Variants in FGFR1OP2 observed in about 807,000 individuals in gnomAD.
FGFR1OP2 encodes fibroblast growth factor receptor 1 oncogene partner 2.
Under a neutral mutation model 35.2 loss-of-function variants are expected in FGFR1OP2, and 17 were observed. That is an observed-to-expected ratio of 0.48 (90% CI 0.33 to 0.73). FGFR1OP2 has a LOEUF of 0.73. Ranked by LOEUF, FGFR1OP2 falls within the 30% of genes least tolerant of loss-of-function variation. FGFR1OP2 has a pLI of 0.02. For synonymous variants in FGFR1OP2, 105 were observed against 104.6 expected (o/e 1.00, Z -0.03); for missense variants, 251 against 307.3 (o/e 0.82, Z 1.37).
At chr12:26,963,759 GATC>G (rs1939136279) in intron 6 of FGFR1OP2, among the ~76,000 whole-genome samples, 1 of 152,092 alleles carries the variant, frequency 6.6e-6, no homozygotes, top group African/African-American at 2.4e-5. Context: ...TTCTATTAGA[GATC>G]ATAGTGATAC....
rs747086211 is a variant in FGFR1OP2, at chr12:26,964,724, G to T, written c.753G>T (p.Arg251Ser). 3.1e-6 allele frequency: 5 copies of T among 1,610,020 alleles called. No homozygotes were observed. The African/African-American group carries it at 6.7e-5, about 22-fold the overall frequency. The change falls in exon 7 of 7, where the codon AGG becomes AGT. Residue 251 changes from arginine (R) to serine (S), a missense_variant. Transcript: ENST00000229395. ...TGACCAACAGTGATTTGAGTCTGAG[G>T]AAGAGCTGAAGAGTTTCTGAGTCTG... ...ALVTNSDLSLRKS is the reference protein window; with the variant it reads ...ALVTNSDLSLSKS
chr12:26,956,493 TA>T, intron 2 of FGFR1OP2, 49 bp from the exon 3 acceptor site: 1 of 414,408 alleles, frequency 2.4e-6, no homozygotes. Context: ...TATATATATA[TA>T]TATATATTTG....
At chr12:26,941,555 T>G (rs922919175) in intron 1 of FGFR1OP2, among the ~76,000 whole-genome samples, 1 of 152,354 alleles carries the variant, frequency 6.6e-6, no homozygotes, top group African/African-American at 2.4e-5. Flanking sequence ...AAATTTTAAA[T>G]GTAGTTGATT....
intron 6 of FGFR1OP2, 46 bp from the exon 7 acceptor site, chr12:26,964,550 T>C (rs769089662): frequency 6.3e-7 from 1 of 1,586,228 alleles, no homozygotes; most frequent in Non-Finnish European, 8.6e-7. Context: ...ATGTTGTAGC[T>C]ACCTTGTAGA....
At chr12:26,955,148 A>G (rs1938999206) in intron 2 of FGFR1OP2, among the ~76,000 whole-genome samples, 1 of 152,176 alleles carries the variant, frequency 6.6e-6, no homozygotes, top group Non-Finnish European at 1.5e-5. Context: ...GTGAACATAT[A>G]TCTGGTATTG....
chr12:26,948,586 T>G (rs1232573891), intron 1 of FGFR1OP2, among the ~76,000 whole-genome samples: 2 of 152,244 alleles, frequency 1.3e-5, no homozygotes, highest in African/African-American at 4.8e-5. Context: ...GTCTTTAGTT[T>G]TTGGAAATGT....
intron 1 of FGFR1OP2, among the ~76,000 whole-genome samples, chr12:26,951,019 A>G (rs897166280): frequency 1.3e-5 from 2 of 152,226 alleles, no homozygotes. Context: ...ATAGGGATTT[A>G]CTATGCATGG....
At chr12:26,942,503 A>G (rs1263735673) in intron 1 of FGFR1OP2, among the ~76,000 whole-genome samples, 1 of 152,240 alleles carries the variant, frequency 6.6e-6, no homozygotes, top group Non-Finnish European at 1.5e-5. Context: ...AGGGTACTCT[A>G]GAGATCCATT....
At chr12:26,948,393 A>G (rs1392899227) in intron 1 of FGFR1OP2, among the ~76,000 whole-genome samples, 1 of 152,202 alleles carries the variant, frequency 6.6e-6, no homozygotes, top group African/African-American at 2.4e-5. Flanking sequence ...TCACCTTCAT[A>G]TATGAAACAT....
intron 1 of FGFR1OP2, among the ~76,000 whole-genome samples, chr12:26,942,550 A>G (rs1938753369): frequency 6.6e-6 from 1 of 152,248 alleles, no homozygotes; most frequent in Non-Finnish European, 1.5e-5. Flanking sequence ...CAAATAGGTG[A>G]AGCAATTTTA....
intron 2 of FGFR1OP2, 90 bp downstream of exon 2, chr12:26,954,383 A>G (rs968277290): frequency 3.3e-5 from 47 of 1,428,084 alleles, no homozygotes; most frequent in Middle Eastern, 1.8e-4. Context: ...AATTTTTTTC[A>G]ACATTCTCTA....
intron 1 of FGFR1OP2, among the ~76,000 whole-genome samples, chr12:26,949,487 T>TA (rs1171271662): frequency 6.6e-6 from 1 of 152,198 alleles, no homozygotes; most frequent in African/African-American, 2.4e-5. Flanking sequence ...ACCAGTATCC[T>TA]ATGCTATCCA....
At chr12:26,963,845 A>G (rs998247396) in intron 6 of FGFR1OP2, among the ~76,000 whole-genome samples, 1 of 152,126 alleles carries the variant, frequency 6.6e-6, no homozygotes. Context: ...AACCTTTGTC[A>G]TCTGTCCTTT....
chr12:26,964,737 G>A lies in FGFR1OP2; in HGVS notation c.*4G>A. On this transcript the variant is annotated 3_prime_UTR_variant, in exon 7 of 7. Coordinates refer to ENST00000229395, the MANE Select transcript of FGFR1OP2 (RefSeq NM_015633.3). ...TTTGAGTCTGAGGAAGAGCTGAAGA[G>A]TTTCTGAGTCTGTGAGCTTCTTACA... 1 of 1,608,174 alleles carries A rather than the reference G, an allele frequency of 6.2e-7. No homozygotes were observed. The highest frequency in any genetic ancestry group is 8.5e-7 in the Non-Finnish European group (1 of 1,177,100).
At chr12:26,940,771 A>C (rs1160872253) in intron 1 of FGFR1OP2, among the ~76,000 whole-genome samples, 1 of 152,230 alleles carries the variant, frequency 6.6e-6, no homozygotes, top group Non-Finnish European at 1.5e-5. Context: ...TCTTACAATT[A>C]ATGTGATGCC....
At chr12:26,949,942 A>G (rs889671051) in intron 1 of FGFR1OP2, among the ~76,000 whole-genome samples, 1 of 151,968 alleles carries the variant, frequency 6.6e-6, no homozygotes, top group African/African-American at 2.4e-5. Context: ...TTTTATCTTC[A>G]TGGATCTTAC....
rs146914944 is a variant in FGFR1OP2, at chr12:26,939,119, C to T, written c.-15+409C>T. Among the ~76,000 whole-genome samples, 498 of 152,226 alleles carry T rather than the reference C, an allele frequency of 3.3e-3. 4 individuals carry two copies. Among genetic ancestry groups the T allele is most frequent in the African/African-American group, 0.011 (476 of 41,550 alleles). On this transcript the variant is annotated intron_variant, in intron 1 of 6. Transcript: ENST00000229395. ...GTATTACTCTTTTCTGGTTCTCTTC[C>T]TGCCTTTCTTCTCTATCCCATCTCT...
At chr12:26,939,521 C>T (rs1443409932) in intron 1 of FGFR1OP2, among the ~76,000 whole-genome samples, 1 of 152,184 alleles carries the variant, frequency 6.6e-6, no homozygotes, top group Admixed American at 6.5e-5. Context: ...ACATGCCATG[C>T]GCTTTGACAG....
chr12:26,949,925 T>A (rs1237728088), intron 1 of FGFR1OP2, among the ~76,000 whole-genome samples: 1 of 152,042 alleles, frequency 6.6e-6, no homozygotes, highest in East Asian at 1.9e-4. Flanking sequence ...ATTCTGATTA[T>A]GTCAGTTTTT....
Sources: allele counts gnomAD v4.1 joint callset (sites outside exome capture counted in the v4.1 genomes callset), GRCh38; gene constraint gnomAD v4.1.1; transcripts MANE v1.5; gene names NCBI Gene and HGNC (gene_info 2026-07-23, HGNC 2026-07-21).